YWHAQ: variants seen among roughly 807,000 people sequenced by gnomAD.
The protein encoded by YWHAQ is 14-3-3 protein theta.
Under a neutral mutation model 28.3 loss-of-function variants are expected in YWHAQ, and 6 were observed. The observed-to-expected ratio is 0.21, with a 90% CI of 0.12 to 0.42. The LOEUF (loss-of-function observed/expected upper bound fraction) is 0.42, where lower values mean the gene tolerates loss of function less well. Among genes scored for constraint, YWHAQ ranks in the 10% least tolerant of loss-of-function variants. The pLI, the probability that YWHAQ is intolerant of heterozygous loss-of-function variation, is 1.00. For missense variants in YWHAQ, 201 were observed against 305.6 expected, an observed-to-expected ratio of 0.66 and a Z score of 2.55; for synonymous variants, 143 against 119.1, an observed-to-expected ratio of 1.20 and a Z score of -1.31.
chr2:9,595,231 C>T (rs1441118240), intron 2 of YWHAQ, among the ~76,000 whole-genome samples: 1 of 152,214 alleles, frequency 6.6e-6, no homozygotes, highest in Non-Finnish European at 1.5e-5. Context: ...ATAATGGAGT[C>T]TGCTTCATGT....
intron 2 of YWHAQ, among the ~76,000 whole-genome samples, chr2:9,608,429 T>TGC (rs1312014901): frequency 6.6e-6 from 1 of 152,038 alleles, no homozygotes; most frequent in Non-Finnish European, 1.5e-5. Flanking sequence ...TTTTTGGGGG[T>TGC]GCAGTCTCCC....
chr2:9,604,786 T>TA (rs141771756), intron 2 of YWHAQ, among the ~76,000 whole-genome samples: 27 of 151,756 alleles, frequency 1.8e-4, no homozygotes, highest in Admixed American at 9.8e-4. Flanking sequence ...ATGGTTATAA[T>TA]AAAAAAAAAT....
At chr2:9,626,689 C>A (rs981780412) in intron 2 of YWHAQ, among the ~76,000 whole-genome samples, 4 of 152,242 alleles carry the variant, frequency 2.6e-5, no homozygotes, top group African/African-American at 9.6e-5. Context: ...CCTTGGCCTC[C>A]CAATGTGCTG....
chr2:9,592,261 AT>A (rs1398606846), intron 2 of YWHAQ, among the ~76,000 whole-genome samples: 2 of 152,146 alleles, frequency 1.3e-5, no homozygotes, highest in South Asian at 2.1e-4. Context: ...AAATCTAATT[AT>A]TTTTTTAAAA....
chr2:9,621,435 TATC>T (rs1384683551), intron 2 of YWHAQ, among the ~76,000 whole-genome samples: 1 of 152,152 alleles, frequency 6.6e-6, no homozygotes, highest in African/African-American at 2.4e-5. Flanking sequence ...TGATGTGAAA[TATC>T]ATAACCCCCA....
At chr2:9,602,828 TTAAAAAAAAAAAAAAAAA>T (rs1666719605) in intron 2 of YWHAQ, among the ~76,000 whole-genome samples, 1 of 41,104 alleles carries the variant, frequency 2.4e-5, no homozygotes, top group Non-Finnish European at 3.9e-5. Context: ...CATGCCTAAT[TTAAAAAAAAAAAAAAAAA>T]AAAAAAAAAA....
intron 2 of YWHAQ, among the ~76,000 whole-genome samples, chr2:9,598,462 T>C (rs1666623208): frequency 6.6e-6 from 1 of 152,226 alleles, no homozygotes; most frequent in African/African-American, 2.4e-5. Context: ...TGGTGTGTTT[T>C]TGTTGTTTTA....
chr2:9,610,573 A>G (rs1469159291), intron 2 of YWHAQ, among the ~76,000 whole-genome samples: 1 of 152,138 alleles, frequency 6.6e-6, no homozygotes, highest in African/African-American at 2.4e-5. Flanking sequence ...CAACGGCGCA[A>G]TCTCGGCTCA....
At chr2:9,629,650 TG>T (rs571438872) in intron 2 of YWHAQ, among the ~76,000 whole-genome samples, 97 of 145,156 alleles carry the variant, frequency 6.7e-4, no homozygotes, top group South Asian at 1.7e-3. Flanking sequence ...TTATGGGGGG[TG>T]GGGGGGAGCA....
intron 2 of YWHAQ, among the ~76,000 whole-genome samples, chr2:9,598,166 A>G (rs1021174927): frequency 6.6e-6 from 1 of 151,964 alleles, no homozygotes; most frequent in Non-Finnish European, 1.5e-5. Flanking sequence ...GACTGATCCT[A>G]TATGCTGTGG....
intron 2 of YWHAQ, among the ~76,000 whole-genome samples, chr2:9,610,760 G>A (rs60471429): frequency 0.032 from 4,935 of 152,070 alleles, 282 homozygotes; most frequent in African/African-American, 0.11. Context: ...CGTCTGCCTC[G>A]GCCTCGGAAA....
Position 9,630,593 on chromosome 2 carries a change from CA to C in YWHAQ, c.-82-60del. 1.3e-6 allele frequency: 1 copy of C among 778,434 alleles called. No individual in the cohort carries two copies. The highest frequency in any genetic ancestry group is 3.5e-5 in the Admixed American group (1 of 28,942). 48.2% of individuals were successfully genotyped at this position (778,434 alleles called of 1,614,324 possible). A position where few individuals can be genotyped will look rare whatever the true frequency, so the allele number is the denominator to read the frequency against. On this transcript the variant is annotated intron_variant, in intron 1 of 5. Transcript: ENST00000238081. The surrounding 1 kb of genome is among the most constrained non-coding windows in gnomAD (Gnocchi z 5.6). Reference sequence around the variant, plus strand: ...AAAGCAGAGAGGGAGCGCCGTCAGACAATGCGGCCCGCCGCCCGCTTTTGTC... The same window carrying C: ...AAAGCAGAGAGGGAGCGCCGTCAGACATGCGGCCCGCCGCCCGCTTTTGTC...
intron 5 of YWHAQ, among the ~76,000 whole-genome samples, chr2:9,586,993 T>C (rs1666354761): frequency 6.6e-6 from 1 of 152,210 alleles, no homozygotes; most frequent in Admixed American, 6.5e-5. Context: ...ACTCCCTAAA[T>C]GCTTGTAGAA....
chr2:9,628,216 T>C (rs569843131), intron 2 of YWHAQ, among the ~76,000 whole-genome samples: 1 of 152,370 alleles, frequency 6.6e-6, no homozygotes, highest in Admixed American at 6.5e-5. Context: ...AGCCATTTTA[T>C]GAATATTTCA....
At position 9,606,059 on chromosome 2, in the gene YWHAQ, G is replaced by A. The variant is rs543825998; in HGVS notation, c.295-14544C>T. 8.5e-5 allele frequency among the ~76,000 whole-genome samples: 13 copies of A among 152,140 alleles called. No homozygotes were observed. The East Asian group carries it at 2.1e-3, about 25-fold the overall frequency. On this transcript the variant is annotated intron_variant, in intron 2 of 5. Transcript: ENST00000238081. ...ATATGTACAGTATTCTACTGTATGG[G>A]CACCCTAATTATTTATTTAGCTTCC...
intron 2 of YWHAQ, among the ~76,000 whole-genome samples, chr2:9,616,745 A>G (rs1242173185): frequency 6.6e-6 from 1 of 152,160 alleles, no homozygotes; most frequent in African/African-American, 2.4e-5. Flanking sequence ...AGAAACTGGA[A>G]CTCTCTTACA....
At position 9,584,260 on chromosome 2, in the gene YWHAQ, T is replaced by C. The variant is rs1010244282; in HGVS notation, c.*1026A>G. 1.3e-5 allele frequency: 2 copies of C among 152,646 alleles called. No homozygotes were observed. Among genetic ancestry groups the C allele is most frequent in the Non-Finnish European group, 1.5e-5 (1 of 68,030 alleles). 9.5% of individuals were successfully genotyped at this position (152,646 alleles called of 1,614,324 possible). On this transcript the variant is annotated 3_prime_UTR_variant, in exon 6 of 6. Coordinates refer to ENST00000238081, the MANE Select transcript of YWHAQ (RefSeq NM_006826.4). ...TGGGTATGCAATTGTTACAAAGCCA[T>C]AGTAAATGGTTTATAAAATGTACTT...
intron 2 of YWHAQ, among the ~76,000 whole-genome samples, chr2:9,608,107 A>G (rs1488076930): frequency 3.9e-5 from 6 of 152,100 alleles, no homozygotes; most frequent in Admixed American, 3.9e-4. Context: ...GTGACTCACA[A>G]CCTTAAAATA....
Position 9,630,170 on chromosome 2 carries a change from T to C in YWHAQ, c.283A>G (p.Thr95Ala). Residue 95 changes from threonine (T) to alanine (A), a missense_variant, in exon 2 of 6, where the codon ACC (threonine) becomes GCC (alanine). Thr to Ala is a moderately conservative substitution (Grantham distance 58). Transcript: ENST00000238081. The surrounding 1 kb of genome is among the most constrained non-coding windows in gnomAD (Gnocchi z 5.6). ...KVESELRSIC[T>A]TVLELLDKYL... ...CGCCGAGGACTCACCAGCACCGTGG[T>C]GCAGATGGATCTCAGCTCGGACTCC... 6.2e-7 allele frequency: 1 copy of C among 1,613,520 alleles called. No homozygotes were observed.
Sources: allele counts gnomAD v4.1 joint callset (sites outside exome capture counted in the v4.1 genomes callset), GRCh38; gene constraint gnomAD v4.1.1; non-coding constraint Gnocchi (gnomAD v3.1); transcripts MANE v1.5; gene names NCBI Gene and HGNC (gene_info 2026-07-23, HGNC 2026-07-21).